The following NTRK2 variants were observed in gnomAD, a reference collection of about 807,000 sequenced individuals.
NTRK2 encodes BDNF/NT-3 growth factors receptor.
A neutral mutation model predicts 94.5 loss-of-function variants in NTRK2; 13 were observed. The ratio of observed to expected loss-of-function variants is 0.14; its 90% CI spans 0.09 to 0.22. NTRK2 has a LOEUF of 0.22. Ranked by LOEUF, NTRK2 falls within the 10% of genes least tolerant of loss-of-function variation. The pLI, the probability that NTRK2 is intolerant of heterozygous loss-of-function variation, is 1.00. For synonymous variants in NTRK2, 372 were observed against 407.4 expected, an observed-to-expected ratio of 0.91 and a Z score of 1.05; for missense variants, 639 against 1,071.2, an observed-to-expected ratio of 0.60 and a Z score of 5.63.
At chr9:85,009,060 C>G (rs945353246) in intron 17 of NTRK2, among the ~76,000 whole-genome samples, 2 of 152,224 alleles carry the variant, frequency 1.3e-5, no homozygotes, top group Non-Finnish European at 2.9e-5. Flanking sequence ...TGATCTAGAA[C>G]AGGAAACCAC....
chr9:84,861,071 A>T lies in NTRK2; in HGVS notation c.1428A>T (p.Lys476Asn). The T allele has an allele frequency of 1.2e-6, 2 of 1,613,384 alleles. No individual in the cohort carries two copies. The highest frequency in any genetic ancestry group is 1.7e-6 in the Non-Finnish European group (2 of 1,179,526). The change falls in exon 13 of 19, where the codon AAA becomes AAT. Residue 476 changes from lysine to asparagine, a missense_variant. Coordinates refer to ENST00000277120, the MANE Select transcript of NTRK2 (RefSeq NM_006180.6). ...CATGGTTTGGATTTGGGAAAGTAAA[A>T]TCAAGACAAGGTGTTGGTAAGTAGT... Reference protein sequence around the residue: ...DFSWFGFGKVKSRQGVGPASV... With the variant: ...DFSWFGFGKVNSRQGVGPASV...
At chr9:84,824,855 G>A (rs2073081829) in intron 12 of NTRK2, among the ~76,000 whole-genome samples, 1 of 152,068 alleles carries the variant, frequency 6.6e-6, no homozygotes, top group Non-Finnish European at 1.5e-5. Context: ...TTTTAATTTG[G>A]AGATACACCC....
At chr9:84,957,464 C>A (rs1685729454) in intron 17 of NTRK2, among the ~76,000 whole-genome samples, 1 of 152,162 alleles carries the variant, frequency 6.6e-6, no homozygotes, top group Non-Finnish European at 1.5e-5. Context: ...AGACATTTCT[C>A]CAAAGACAAC....
intron 14 of NTRK2, among the ~76,000 whole-genome samples, chr9:84,926,101 C>CT (rs201286861): frequency 4.7e-4 from 70 of 147,390 alleles, no homozygotes; most frequent in African/African-American, 1.7e-3. Context: ...TCCTTCCTTC[C>CT]TTCCTTTCCT....
At chr9:84,847,812 G>A (rs533363260) in intron 12 of NTRK2, among the ~76,000 whole-genome samples, 1 of 152,190 alleles carries the variant, frequency 6.6e-6, no homozygotes, top group South Asian at 2.1e-4. Flanking sequence ...ACCAGTTGAG[G>A]AGGAGGAGGA....
intron 14 of NTRK2, among the ~76,000 whole-genome samples, chr9:84,918,726 G>A (rs1255192647): frequency 1.3e-5 from 2 of 152,224 alleles, no homozygotes; most frequent in Non-Finnish European, 2.9e-5. Flanking sequence ...GCGTATGGTA[G>A]CCGAGTGAAT....
chr9:84,745,087 A>G lies in NTRK2; in HGVS notation c.1296+14A>G. The G allele has an allele frequency of 6.3e-7, 1 of 1,590,750 alleles. No homozygotes were observed. The highest frequency in any genetic ancestry group is 1.3e-5 in the African/African-American group (1 of 74,578). On this transcript the variant is annotated intron_variant, in intron 11 of 18. Transcript: ENST00000277120. ...GAACATCTCTCGGTGAGTGGAATAAATAGGTGTCTGAATTGGTTCTGAGCA... is the reference window on the plus strand; with the variant it reads ...GAACATCTCTCGGTGAGTGGAATAAGTAGGTGTCTGAATTGGTTCTGAGCA...
At chr9:84,878,119 G>A (rs1020556344) in intron 14 of NTRK2, among the ~76,000 whole-genome samples, 1 of 152,112 alleles carries the variant, frequency 6.6e-6, no homozygotes, top group Non-Finnish European at 1.5e-5. Flanking sequence ...AATGTCACTT[G>A]CTTAAGGCAC....
At chr9:84,961,453 C>T (rs1227752049) in intron 17 of NTRK2, among the ~76,000 whole-genome samples, 1 of 152,194 alleles carries the variant, frequency 6.6e-6, no homozygotes, top group African/African-American at 2.4e-5. Flanking sequence ...ACCCGTCTGC[C>T]AGGGAGAAGT....
At chr9:84,782,239 A>G (rs1588562141) in intron 12 of NTRK2, among the ~76,000 whole-genome samples, 1 of 152,348 alleles carries the variant, frequency 6.6e-6, no homozygotes, top group South Asian at 2.1e-4. Flanking sequence ...GCCAGGACTC[A>G]TGTTTTTATA....
At chr9:84,941,490 C>T (rs2078407247) in intron 15 of NTRK2, among the ~76,000 whole-genome samples, 1 of 152,200 alleles carries the variant, frequency 6.6e-6, no homozygotes, top group African/African-American at 2.4e-5. Context: ...AATGAGGACT[C>T]ATCTGGCATC....
At chr9:84,893,409 C>T (rs549446655) in intron 14 of NTRK2, among the ~76,000 whole-genome samples, 10 of 152,296 alleles carry the variant, frequency 6.6e-5, no homozygotes, top group Middle Eastern at 3.4e-3. Flanking sequence ...CTCCTTGCCT[C>T]GCAGGAGCAA....
At chr9:84,976,430 G>A (rs999533721) in intron 17 of NTRK2, among the ~76,000 whole-genome samples, 4 of 152,090 alleles carry the variant, frequency 2.6e-5, no homozygotes, top group Admixed American at 1.3e-4. Context: ...GAGGAGTGAG[G>A]GCTTCAACAT....
intron 14 of NTRK2, among the ~76,000 whole-genome samples, chr9:84,896,451 A>T (rs1201314365): frequency 6.6e-6 from 1 of 152,170 alleles, no homozygotes; most frequent in Admixed American, 6.5e-5. Context: ...GCTGTAACCC[A>T]GTTCTAATCA....
At chr9:84,979,469 T>C (rs891776215) in intron 17 of NTRK2, among the ~76,000 whole-genome samples, 1 of 152,202 alleles carries the variant, frequency 6.6e-6, no homozygotes, top group African/African-American at 2.4e-5. Flanking sequence ...ATGACAAAAC[T>C]TGAACATATG....
At chr9:84,932,090 G>T (rs1273800728) in intron 14 of NTRK2, among the ~76,000 whole-genome samples, 1 of 152,136 alleles carries the variant, frequency 6.6e-6, no homozygotes, top group African/African-American at 2.4e-5. Flanking sequence ...CGGGGGGAAA[G>T]AAAAATCCCA....
rs531365253 is a variant in NTRK2 at position 84,765,661 on chromosome 9, A to C, written c.1396+13576A>C. ...CACAACTTATTTCCATGCCATGTTC[A>C]CTGCTTGAGCGTGTCATACGTGACT... On this transcript the variant is annotated intron_variant, in intron 12 of 18. Coordinates refer to ENST00000277120, the MANE Select transcript of NTRK2 (RefSeq NM_006180.6). Among the ~76,000 whole-genome samples the C allele has an allele frequency of 6.6e-5, 10 of 152,258 alleles. No individual in the cohort carries two copies. The South Asian group carries it at 2.1e-3, about 32-fold the overall frequency.
At chr9:84,854,241 T>G (rs143670381) in intron 12 of NTRK2, among the ~76,000 whole-genome samples, 35 of 152,264 alleles carry the variant, frequency 2.3e-4, no homozygotes, top group African/African-American at 7.5e-4. Context: ...TTCTACTCCA[T>G]CACTCCAAGT....
At chr9:84,975,448 T>G (rs866737575) in intron 17 of NTRK2, among the ~76,000 whole-genome samples, 1 of 152,192 alleles carries the variant, frequency 6.6e-6, no homozygotes, top group African/African-American at 2.4e-5. Flanking sequence ...AAATGTAATA[T>G]TAATAGGTTT....
Sources: gnomAD v4.1 joint callset for allele counts (sites outside exome capture counted in the v4.1 genomes callset) on GRCh38, gnomAD v4.1.1 for gene constraint, MANE v1.5 for transcripts, NCBI Gene and HGNC (gene_info 2026-07-23, HGNC 2026-07-21) for gene names.